SEC14L5: variants seen among roughly 807,000 people sequenced by gnomAD.
The protein encoded by SEC14L5 is SEC14 like lipid binding 5.
In SEC14L5, 96 loss-of-function variants were observed where a neutral mutation model predicts 84.6. That is an observed-to-expected ratio of 1.13 (90% CI 0.96 to 1.34). The LOEUF (loss-of-function observed/expected upper bound fraction) is 1.34, where lower values mean the gene tolerates loss of function less well. Ranked by LOEUF, SEC14L5 falls within the 40% of genes most tolerant of loss-of-function variation. The pLI is 0.00. For missense variants in SEC14L5, 1,224 were observed against 942.5 expected (o/e 1.30, Z -3.91); for synonymous variants, 546 against 383.4 (o/e 1.42, Z -4.95).
chr16:4,971,081 G>GGTGATAAAGCAAGACCTTGTC (rs1955272053), intron 2 of SEC14L5, among the ~76,000 whole-genome samples: 1 of 147,840 alleles, frequency 6.8e-6, no homozygotes, highest in African/African-American at 2.5e-5. Context: ...CTCCAGCCTG[G>GGTGATAAAGCAAGACCTTGTC]TGACAGAGCC....
intron 2 of SEC14L5, among the ~76,000 whole-genome samples, chr16:4,972,587 G>A (rs1955293272): frequency 6.6e-6 from 1 of 152,180 alleles, no homozygotes; most frequent in African/African-American, 2.4e-5. Flanking sequence ...TCATACAATA[G>A]TTGTCCTTTT....
chr16:4,975,003 C>T (rs539769596), intron 2 of SEC14L5, among the ~76,000 whole-genome samples: 2 of 151,966 alleles, frequency 1.3e-5, no homozygotes, highest in African/African-American at 2.4e-5. Context: ...GTCTCAAACT[C>T]CTGACCTCAA....
Position 4,990,997 on chromosome 16 carries a change from C to T in SEC14L5, c.474+102C>T, listed in dbSNP as rs550897907. The T allele has an allele frequency of 3.2e-6, 3 of 950,014 alleles. No homozygotes were observed. The African/African-American group carries it at 5.1e-5, about 16-fold the overall frequency. The allele number at this position is 950,014 out of a possible 1,614,324, so 58.8% of individuals were successfully genotyped here. A position where few individuals can be genotyped will look rare whatever the true frequency, so the allele number is the denominator to read the frequency against. On this transcript the variant is annotated intron_variant, in intron 5 of 15. Transcript: ENST00000251170. The stretch of plus-strand genomic sequence containing the variant: ...GCAAGACCCTTACCCTTCCTGGGCT[C>T]AGTGTTATCTGTTAAATGGGTACTC...
intron 2 of SEC14L5, among the ~76,000 whole-genome samples, chr16:4,977,663 C>T (rs1955362933): frequency 6.6e-6 from 1 of 151,890 alleles, no homozygotes; most frequent in Admixed American, 6.6e-5. Context: ...GAGCCCAGGA[C>T]CTGTGAAGGC....
At position 5,007,378 on chromosome 16, in the gene SEC14L5, C is replaced by G. The variant is rs779427841; in HGVS notation, c.1464C>G (p.Val488=). The G allele has an allele frequency of 6.2e-7, 1 of 1,613,838 alleles. No homozygotes were observed. Among genetic ancestry groups the G allele is most frequent in the Non-Finnish European group, 8.5e-7 (1 of 1,179,812 alleles). The change falls in exon 13 of 16, where the codon GTC becomes GTG. Residue 488 remains valine, a synonymous_variant. Coordinates refer to ENST00000251170, the MANE Select transcript of SEC14L5 (RefSeq NM_014692.2). The part of the protein sequence containing the change: ...SVCNVPEGGL[V]PKSLYMTEEE... The stretch of plus-strand genomic sequence containing the variant: ...GTAATGTCCCCGAAGGAGGGCTGGT[C>G]CCCAAGTCCCTCTACATGACAGAAG...
chr16:4,999,736 A>C (rs1452495512), intron 8 of SEC14L5, among the ~76,000 whole-genome samples: 1 of 151,866 alleles, frequency 6.6e-6, no homozygotes, highest in African/African-American at 2.4e-5. Context: ...CAACATTGTG[A>C]AACCCTGTCT....
chr16:4,975,782 G>T (rs951629834), intron 2 of SEC14L5, among the ~76,000 whole-genome samples: 1 of 152,118 alleles, frequency 6.6e-6, no homozygotes, highest in East Asian at 1.9e-4. Context: ...GAAGGAAAGG[G>T]GTTGATAGGG....
At chr16:4,994,674 A>G (rs1955589814) in intron 6 of SEC14L5, among the ~76,000 whole-genome samples, 1 of 148,212 alleles carries the variant, frequency 6.7e-6, no homozygotes, top group South Asian at 2.1e-4. Flanking sequence ...CTGTTGTTGT[A>G]TGTGCACATT....
intron 2 of SEC14L5, among the ~76,000 whole-genome samples, chr16:4,963,139 A>C (rs1419306884): frequency 6.6e-6 from 1 of 152,242 alleles, no homozygotes; most frequent in South Asian, 2.1e-4. Flanking sequence ...TGACAATGAC[A>C]CAAATGACTG....
chr16:4,961,430 G>A (rs1458978058), intron 2 of SEC14L5, among the ~76,000 whole-genome samples: 1 of 152,148 alleles, frequency 6.6e-6, no homozygotes, highest in African/African-American at 2.4e-5. Flanking sequence ...CCAGGTTCAA[G>A]CCATTCTCGT....
rs770409725 is a variant in SEC14L5 at position 4,996,922 on chromosome 16, A to C, written c.848A>C (p.Glu283Ala). Reference sequence around the variant, plus strand: ...GACTTCCACCTGGACAAGGCCCGGGAAATGCTGCGCCAGTCCTTGAGCTGG... The same window carrying C: ...GACTTCCACCTGGACAAGGCCCGGGCAATGCTGCGCCAGTCCTTGAGCTGG... The part of the protein sequence containing the change: ...AHDFHLDKAR[E>A]MLRQSLSWRK... The change falls in exon 8 of 16, where the codon GAA (glutamate) becomes GCA (alanine). Residue 283 changes from glutamate (E) to alanine (A), a missense_variant. Glu to Ala is a moderately radical substitution (Grantham distance 107, BLOSUM62 -1). Coordinates refer to ENST00000251170, the MANE Select transcript of SEC14L5 (RefSeq NM_014692.2). 4 of 1,613,636 alleles carry C rather than the reference A, an allele frequency of 2.5e-6. No individual in the cohort carries two copies. The highest frequency in any genetic ancestry group is 3.3e-5 in the Admixed American group (2 of 59,980).
chr16:4,972,975 GT>G (rs1234120003), intron 2 of SEC14L5, among the ~76,000 whole-genome samples: 4 of 152,226 alleles, frequency 2.6e-5, no homozygotes, highest in Non-Finnish European at 5.9e-5. Flanking sequence ...TGTCTATTGA[GT>G]GTTGACTATG....
chr16:5,013,128 A>G (rs1246574977), intron 15 of SEC14L5, among the ~76,000 whole-genome samples: 2 of 152,278 alleles, frequency 1.3e-5, no homozygotes, highest in East Asian at 1.9e-4. Flanking sequence ...AACTGCCCCC[A>G]TGATCCAATC....
intron 3 of SEC14L5, among the ~76,000 whole-genome samples, 154 bp from the exon 4 acceptor site, chr16:4,987,995 T>G (rs1444214277): frequency 6.6e-6 from 1 of 150,776 alleles, no homozygotes; most frequent in Non-Finnish European, 1.5e-5. Flanking sequence ...AAGTCGGGGG[T>G]TGGTGTCCTG....
chr16:4,975,289 G>A (rs1000258553), intron 2 of SEC14L5, among the ~76,000 whole-genome samples: 2 of 151,554 alleles, frequency 1.3e-5, no homozygotes, highest in East Asian at 2.0e-4. Flanking sequence ...TGGCTAACAC[G>A]GTGAAACCCC....
At chr16:5,012,549 A>G (rs1420811395) in intron 15 of SEC14L5, among the ~76,000 whole-genome samples, 1 of 152,218 alleles carries the variant, frequency 6.6e-6, no homozygotes, top group African/African-American at 2.4e-5. Flanking sequence ...AAGTATAACT[A>G]TGGGCAGCGA....
chr16:4,993,088 C>G (rs717354), intron 6 of SEC14L5, among the ~76,000 whole-genome samples: 151,871 of 152,184 alleles, frequency 1, 75,780 homozygotes, highest in Middle Eastern at 1. Context: ...TGTTGCCCAG[C>G]TTGGTATGCA....
rs866114596 is a variant in SEC14L5 at position 4,989,056 on chromosome 16, G to T, written c.345+776G>T. On this transcript the variant is annotated intron_variant, in intron 4 of 15. Transcript: ENST00000251170. ...GGACTGGGAACAGCATTTTGGGGGT[G>T]GGAACAGCATGAGTGAGGTCTGCCA... 2.0e-5 allele frequency among the ~76,000 whole-genome samples: 3 copies of T among 152,248 alleles called. 1 individual carries two copies. Among genetic ancestry groups the T allele is most frequent in the Non-Finnish European group, 4.4e-5 (3 of 68,046 alleles).
chr16:4,973,437 C>G (rs1253071795), intron 2 of SEC14L5, among the ~76,000 whole-genome samples: 2 of 56,448 alleles, frequency 3.5e-5, no homozygotes, highest in Non-Finnish European at 9.6e-5. Flanking sequence ...TCTGCCAGGC[C>G]CACTTCCCTT....
Sources: allele counts gnomAD v4.1 joint callset (sites outside exome capture counted in the v4.1 genomes callset), GRCh38; gene constraint gnomAD v4.1.1; transcripts MANE v1.5; gene names NCBI Gene and HGNC (gene_info 2026-07-23, HGNC 2026-07-21).